The following GALNT13 variants were observed in gnomAD, a reference collection of about 807,000 sequenced individuals.
The protein encoded by GALNT13 is UDP-GalNAc:polypeptide N-acetylgalactosaminyltransferase 13.
Under a neutral mutation model 64.2 loss-of-function variants are expected in GALNT13, and 28 were observed. That is an observed-to-expected ratio of 0.44 (90% CI 0.32 to 0.60). GALNT13 has a LOEUF of 0.60. Ranked by LOEUF, GALNT13 falls within the 20% of genes least tolerant of loss-of-function variation. GALNT13 has a pLI of 0.05. For missense variants in GALNT13, 577 were observed against 669.8 expected (o/e 0.86, Z 1.53); for synonymous variants, 214 against 224.6 (o/e 0.95, Z 0.42).
chr2:153,776,556 A>G, the GALNT13 span, among the ~76,000 whole-genome samples: 3 of 152,240 alleles, frequency 2.0e-5, no homozygotes, highest in Admixed American at 6.5e-5. Flanking sequence ...AAGCATTAAC[A>G]TCCTGAAGAA....
intron 4 of GALNT13, among the ~76,000 whole-genome samples, chr2:154,180,525 G>T (rs1232350415): frequency 6.8e-6 from 1 of 148,024 alleles, no homozygotes; most frequent in African/African-American, 2.5e-5. Flanking sequence ...TAAAAAAATA[G>T]ATTTGTTTTT....
chr2:153,087,812 A>G, the GALNT13 span, among the ~76,000 whole-genome samples: 2 of 151,996 alleles, frequency 1.3e-5, no homozygotes, highest in East Asian at 3.9e-4. Context: ...ATCAGTTGTA[A>G]TGTTTCTTGT....
At chr2:154,271,324 C>G (rs1396970555) in intron 8 of GALNT13, among the ~76,000 whole-genome samples, 1 of 151,912 alleles carries the variant, frequency 6.6e-6, no homozygotes, top group Non-Finnish European at 1.5e-5. Flanking sequence ...TCTATGCTAG[C>G]TTGTAACAGC....
intron 12 of GALNT13, chr2:154,445,769 C>A: frequency 2.4e-6 from 3 of 1,275,286 alleles, no homozygotes; most frequent in Non-Finnish European, 3.1e-6. Flanking sequence ...TTATTGTCTG[C>A]ACTGGTCTTT....
chr2:153,126,308 A>G, the GALNT13 span, among the ~76,000 whole-genome samples: 440 of 11,960 alleles, frequency 0.037, 10 homozygotes, highest in African/African-American at 0.094. Flanking sequence ...ATATATATAT[A>G]TATATATATA....
At chr2:153,886,211 C>T (rs746337064) in intron 1 of GALNT13, among the ~76,000 whole-genome samples, 17 of 146,440 alleles carry the variant, frequency 1.2e-4, no homozygotes, top group Non-Finnish European at 2.4e-4. Context: ...ATGAGGCACT[C>T]TTTTTTTTTT....
chr2:153,182,010 A>AT, the GALNT13 span, among the ~76,000 whole-genome samples: 1 of 149,754 alleles, frequency 6.7e-6, no homozygotes, highest in Non-Finnish European at 1.5e-5. Context: ...ATTCTCATCC[A>AT]TTTTTCTTAA....
At chr2:153,496,655 A>T in the GALNT13 span, among the ~76,000 whole-genome samples, 1 of 152,122 alleles carries the variant, frequency 6.6e-6, no homozygotes, top group Non-Finnish European at 1.5e-5. Context: ...ACTGCTTTTC[A>T]TTAAACCTGT....
At chr2:153,263,805 ATTAAAGGC>A in the GALNT13 span, among the ~76,000 whole-genome samples, 1 of 152,240 alleles carries the variant, frequency 6.6e-6, no homozygotes, top group Non-Finnish European at 1.5e-5. Context: ...TTCAAGATGG[ATTAAAGGC>A]TTAAAGGTAA....
chr2:153,756,309 T>C, the GALNT13 span, among the ~76,000 whole-genome samples: 1 of 152,082 alleles, frequency 6.6e-6, no homozygotes, highest in Non-Finnish European at 1.5e-5. Flanking sequence ...AATGCTTTGG[T>C]GACAAAGAAA....
the GALNT13 span, among the ~76,000 whole-genome samples, chr2:153,299,758 T>A: frequency 6.6e-6 from 1 of 152,200 alleles, no homozygotes; most frequent in East Asian, 1.9e-4. Context: ...ATGGAGGATC[T>A]CCAACACAGT....
the GALNT13 span, among the ~76,000 whole-genome samples, chr2:153,848,226 A>G: frequency 2.0e-5 from 3 of 152,244 alleles, no homozygotes; most frequent in East Asian, 3.9e-4. Flanking sequence ...AGATTTTCAT[A>G]TTGGTGACGC....
intron 3 of GALNT13, among the ~76,000 whole-genome samples, chr2:153,947,936 G>T (rs1235077209): frequency 2.6e-5 from 4 of 152,070 alleles, no homozygotes; most frequent in Non-Finnish European, 4.4e-5. Flanking sequence ...ATTGAATAGG[G>T]AATCCTTTCC....
intron 9 of GALNT13, among the ~76,000 whole-genome samples, chr2:154,345,865 G>A (rs1057436266): frequency 6.6e-6 from 1 of 151,994 alleles, no homozygotes; most frequent in Non-Finnish European, 1.5e-5. Context: ...ACCTTTTACT[G>A]TAATATTCTC....
the GALNT13 span, among the ~76,000 whole-genome samples, chr2:153,432,604 C>T: frequency 1.3e-5 from 2 of 152,166 alleles, no homozygotes; most frequent in East Asian, 3.9e-4. Flanking sequence ...TTGGCAGAAG[C>T]TTCTGCCCCA....
the GALNT13 span, among the ~76,000 whole-genome samples, chr2:153,295,152 GA>G: frequency 6.6e-6 from 1 of 152,118 alleles, no homozygotes; most frequent in Non-Finnish European, 1.5e-5. Context: ...TCAGAGGATG[GA>G]AAAGTGGGGC....
chr2:153,649,787 C>G, the GALNT13 span, among the ~76,000 whole-genome samples: 2 of 152,132 alleles, frequency 1.3e-5, no homozygotes, highest in Non-Finnish European at 2.9e-5. Context: ...GAGTGAGTTT[C>G]TTAATTCTGA....
the GALNT13 span, among the ~76,000 whole-genome samples, chr2:153,532,206 A>G: frequency 1.3e-5 from 2 of 152,058 alleles, no homozygotes; most frequent in African/African-American, 4.8e-5. Context: ...TTTTCCATAC[A>G]TTCTTTGAAA....
intron 3 of GALNT13, among the ~76,000 whole-genome samples, chr2:154,100,275 T>C (rs1444247172): frequency 2.0e-5 from 3 of 152,172 alleles, no homozygotes; most frequent in Non-Finnish European, 4.4e-5. Flanking sequence ...ATGAATTTAA[T>C]TGAATCTGTA....
Sources: gnomAD v4.1 joint callset for allele counts (sites outside exome capture counted in the v4.1 genomes callset) on GRCh38, gnomAD v4.1.1 for gene constraint, MANE v1.5 for transcripts, NCBI Gene and HGNC (gene_info 2026-07-23, HGNC 2026-07-21) for gene names.